The following CAPN15 variants were observed in gnomAD, a reference collection of about 807,000 sequenced individuals.
CAPN15 encodes calpain-15.
Under a neutral mutation model 97.9 loss-of-function variants are expected in CAPN15, and 53 were observed. The ratio of observed to expected loss-of-function variants is 0.54; its 90% CI spans 0.43 to 0.68. The LOEUF (loss-of-function observed/expected upper bound fraction) is 0.68, where lower values mean the gene tolerates loss of function less well. Ranked by LOEUF, CAPN15 falls within the 30% of genes least tolerant of loss-of-function variation. CAPN15 has a pLI of 0.00. For synonymous variants in CAPN15, 922 were observed against 722.5 expected (o/e 1.28, Z -4.43); for missense variants, 1,592 against 1,589.8 (o/e 1.00, Z -0.02).
In CAPN15 at chr16:534,132, G is replaced by A. The variant is rs1207156770; in HGVS notation, c.-137+134G>A. 3.8e-5 allele frequency: 10 copies of A among 264,862 alleles called. No homozygotes were observed. The South Asian group carries it at 4.1e-4, about 11-fold the overall frequency. The allele number at this position is 264,862 out of a possible 1,614,324, so 16.4% of individuals were successfully genotyped here. A position where few individuals can be genotyped will look rare whatever the true frequency, so the allele number is the denominator to read the frequency against. Reference sequence around the variant, plus strand: ...CCCTTGATTCACAGAACCCCTGGAGGCCGGCAGCCCTGCCTGCCCTGAAGA... The same window carrying A: ...CCCTTGATTCACAGAACCCCTGGAGACCGGCAGCCCTGCCTGCCCTGAAGA... On this transcript the variant is annotated intron_variant, in intron 2 of 13. Transcript: ENST00000219611.
rs188392437 is a variant in CAPN15 at position 544,581 on chromosome 16, C to T, written c.-22-2236C>T. 2.3e-4 allele frequency among the ~76,000 whole-genome samples: 35 copies of T among 152,174 alleles called. 1 individual carries two copies. The East Asian group carries it at 3.3e-3, about 14-fold the overall frequency. On this transcript the variant is annotated intron_variant, in intron 3 of 13. Coordinates refer to ENST00000219611, the MANE Select transcript of CAPN15 (RefSeq NM_005632.3). ...TCCCTTTTGAATTGGAGCTGAGTGTCGGCAACGCCCAGATAACTGGGGCGC... is the reference window on the plus strand; with the variant it reads ...TCCCTTTTGAATTGGAGCTGAGTGTTGGCAACGCCCAGATAACTGGGGCGC...
intron 7 of CAPN15, among the ~76,000 whole-genome samples, chr16:550,825 GT>G (rs2034972744): frequency 1.3e-5 from 1 of 78,998 alleles, no homozygotes; most frequent in Non-Finnish European, 2.8e-5. Context: ...GTCGGTGAGG[GT>G]GCCCCGTCGG....
chr16:549,683 T>C lies in CAPN15; in HGVS notation c.1911T>C (p.Phe637=). 6.4e-7 allele frequency: 1 copy of C among 1,564,422 alleles called. No homozygotes were observed. Among genetic ancestry groups the C allele is most frequent in the Non-Finnish European group, 8.6e-7 (1 of 1,158,108 alleles). The part of the protein sequence containing the change: ...KALAKLHGSY[F]ALQAGRAIEG... ...TGGCCAAGCTGCACGGCTCCTACTT[T>C]GCGCTCCAGGCGGGCCGCGCCATCG... Residue 637 remains phenylalanine, a synonymous_variant, in exon 7 of 14, where the codon TTT becomes TTC. Coordinates refer to ENST00000219611, the MANE Select transcript of CAPN15 (RefSeq NM_005632.3).
In CAPN15 at chr16:546,957, G is replaced by A. The variant is rs375530346; in HGVS notation, c.119G>A (p.Arg40Gln). ...AAGCCCGACCTCAACCACATCCTGC[G>A]GCTCAGCGTGGAGGAGCAGAAATGG... ...RHKPDLNHIL[R>Q]LSVEEQKWPC... The change falls in exon 4 of 14, where the codon CGG (arginine) becomes CAG (glutamine). Residue 40 changes from arginine (R) to glutamine (Q), a missense_variant. This residue lies in a region of CAPN15 where 883 missense variants were observed against 776.6 expected (regional missense o/e 1.14). Transcript: ENST00000219611. The A allele has an allele frequency of 5.8e-5, 93 of 1,610,456 alleles. No homozygotes were observed. Among genetic ancestry groups the A allele is most frequent in the African/African-American group, 1.7e-4 (13 of 75,054 alleles).
chr16:552,386 C>T lies in CAPN15; in HGVS notation c.2593C>T (p.Leu865=). 3.1e-6 allele frequency: 5 copies of T among 1,605,056 alleles called. 1 individual carries two copies. The South Asian group carries it at 3.3e-5, about 11-fold the overall frequency. ...ATFGSGGHLS[L]GRLLAHSKRA... ...GTTCGGCAGCGGCGGCCACCTCAGC[C>T]TGGGCCGCCTCCTGGCCCACAGTAA... Residue 865 remains leucine (L), a synonymous_variant, in exon 11 of 14, where the codon CTG becomes TTG. Coordinates refer to ENST00000219611, the MANE Select transcript of CAPN15 (RefSeq NM_005632.3). The surrounding 1 kb of genome is among the most constrained non-coding windows in gnomAD (Gnocchi z 6.4).
At chr16:528,806 C>T (rs2033034707) in intron 1 of CAPN15, 1 of 968,736 alleles carries the variant, frequency 1.0e-6, no homozygotes, top group Non-Finnish European at 1.2e-6. Context: ...ACTGGGACTC[C>T]GTTGGGTGCT....
rs2035266242 is a variant in CAPN15, at chr16:553,592, CAG to C, written c.*79_*80del. On this transcript the variant is annotated 3_prime_UTR_variant, in exon 14 of 14. Coordinates refer to ENST00000219611, the MANE Select transcript of CAPN15 (RefSeq NM_005632.3). ...ACGCACTTTATGAGGGAGACCCCGA[CAG>C]AGGACGCTTGAGCCAGAATCTCAGG... 1.1e-6 allele frequency: 1 copy of C among 927,736 alleles called. No individual in the cohort carries two copies. The allele number at this position is 927,736 out of a possible 1,614,324, so 57.5% of individuals were successfully genotyped here.
chr16:531,612 T>C (rs192678640), intron 1 of CAPN15, among the ~76,000 whole-genome samples: 39 of 141,730 alleles, frequency 2.8e-4, no homozygotes, highest in African/African-American at 1.2e-3. Flanking sequence ...CCCCGTCTCC[T>C]TCTCTGGGGT....
At chr16:533,772 G>C (rs988814563) in intron 1 of CAPN15, among the ~76,000 whole-genome samples, 174 bp from the exon 2 acceptor site, 2 of 152,144 alleles carry the variant, frequency 1.3e-5, no homozygotes, top group Middle Eastern at 3.2e-3. Flanking sequence ...TTTGGCGCTC[G>C]GACAGACACC....
At chr16:536,003 G>GGCCCCCC (rs2033687116) in intron 2 of CAPN15, 26 bp from the exon 3 acceptor site, 1 of 34,082 alleles carries the variant, frequency 2.9e-5, no homozygotes, top group Non-Finnish European at 4.4e-5. Flanking sequence ...GCCCCTGCAC[G>GGCCCCCC]CCCCCCCCCC....
At position 547,519 on chromosome 16, in the gene CAPN15, C is replaced by T; in HGVS notation, c.681C>T (p.Pro227=). 6.3e-7 allele frequency: 1 copy of T among 1,598,240 alleles called. No homozygotes were observed. The stretch of plus-strand genomic sequence containing the variant: ...GCCCAGCTGCCGAACCAGAGCCGCC[C>T]AGGGTCCCGCCCTTCAGCCCCTTCT... The part of the protein sequence containing the change: ...SQGPAAEPEP[P]RVPPFSPFSS... Residue 227 remains proline (P), a synonymous_variant, in exon 4 of 14, where the codon CCC becomes CCT. Transcript: ENST00000219611.
At chr16:534,481 C>T (rs1356256137) in intron 2 of CAPN15, among the ~76,000 whole-genome samples, 1 of 152,162 alleles carries the variant, frequency 6.6e-6, no homozygotes, top group African/African-American at 2.4e-5. Context: ...AGGGCGGGGC[C>T]CTGGCCTTGT....
rs1250891685 is a variant in CAPN15, at chr16:547,686, C to T, written c.848C>T (p.Ala283Val). ...GAPQGSGWAG[A>V]SRLAELLSGK... is the part of the protein sequence containing the mutation. ...CCCCAGGGCTCGGGCTGGGCTGGGG[C>T]CTCCCGCCTAGCAGAGTTGCTGTCT... The change falls in exon 4 of 14, where the codon GCC becomes GTC. Residue 283 changes from alanine (A) to valine (V), a missense_variant. Physicochemically the swap from Ala to Val is moderately conservative, Grantham distance 64. Around this residue, in one of 3 missense-constraint regions of CAPN15, gnomAD observed 883 missense variants for 776.6 expected, o/e 1.14. Transcript: ENST00000219611. The T allele has an allele frequency of 3.1e-6, 5 of 1,590,646 alleles. No homozygotes were observed. Among genetic ancestry groups the T allele is most frequent in the Non-Finnish European group, 4.3e-6 (5 of 1,167,414 alleles).
intron 3 of CAPN15, among the ~76,000 whole-genome samples, chr16:541,874 C>T (rs1454256374): frequency 7.5e-5 from 11 of 146,558 alleles, no homozygotes; most frequent in Non-Finnish European, 9.0e-5. Flanking sequence ...CTGGGTTTGC[C>T]TTGTGCAGAA....
chr16:541,047 G>C (rs1365373827), intron 3 of CAPN15, among the ~76,000 whole-genome samples: 1 of 152,248 alleles, frequency 6.6e-6, no homozygotes, highest in Admixed American at 6.5e-5. Flanking sequence ...TCCAGGCCTG[G>C]CTTCTGAAGG....
In CAPN15 at chr16:553,069, C is replaced by A. The variant is rs770196985; in HGVS notation, c.3083+28C>A. The A allele has an allele frequency of 3.7e-6, 5 of 1,353,454 alleles. No homozygotes were observed. The Admixed American group carries it at 9.0e-5, about 24-fold the overall frequency. The allele number at this position is 1,353,454 out of a possible 1,614,324, so 83.8% of individuals were successfully genotyped here. A position where few individuals can be genotyped will look rare whatever the true frequency, so the allele number is the denominator to read the frequency against. On this transcript the variant is annotated intron_variant, in intron 13 of 13. Transcript: ENST00000219611. ...GCGCCCCCGCCCCTGCCCCCCCACC[C>A]CTGCACAGGTGCCCCCTCCCCTACC...
intron 1 of CAPN15, among the ~76,000 whole-genome samples, chr16:532,088 A>G (rs1052554559): frequency 2.0e-5 from 3 of 151,838 alleles, no homozygotes; most frequent in Non-Finnish European, 4.4e-5. Flanking sequence ...AAAAATAAAA[A>G]AATTAGCTGG....
chr16:553,464 G>GC lies in CAPN15; in HGVS notation c.3215dup (p.Leu1073ThrfsTer45), dbSNP rs1395578653. 4 of 1,610,852 alleles carry GC rather than the reference G, an allele frequency of 2.5e-6. No homozygotes were observed. The highest frequency in any genetic ancestry group is 1.3e-5 in the African/African-American group (1 of 74,564). On this transcript the variant is annotated frameshift_variant, in exon 14 of 14. Coordinates refer to ENST00000219611, the MANE Select transcript of CAPN15 (RefSeq NM_005632.3). LOFTEE classifies it high-confidence loss of function. ...TGGACAGCCTCCAAGGGGACCCACA[G>GC]CCCCCCACTCACGCCAGAGGTCGCC...
intron 1 of CAPN15, among the ~76,000 whole-genome samples, chr16:528,299 C>T (rs1320879026): frequency 6.6e-6 from 1 of 151,990 alleles, no homozygotes; most frequent in African/African-American, 2.4e-5. Context: ...CGGCAGGGAC[C>T]TGGGCCATGT....
Sources: gnomAD v4.1 joint callset for allele counts (sites outside exome capture counted in the v4.1 genomes callset) on GRCh38, gnomAD v4.1.1 for gene constraint, gnomAD v4.1.1 regional missense constraint, Gnocchi (gnomAD v3.1) non-coding constraint, MANE v1.5 for transcripts, NCBI Gene and HGNC (gene_info 2026-07-23, HGNC 2026-07-21) for gene names.